Variants in LARGE1 observed in about 807,000 individuals in gnomAD.
LARGE1 encodes LARGE xylosyl- and glucuronyltransferase 1.
Under a neutral mutation model 87.6 loss-of-function variants are expected in LARGE1, and 43 were observed. The observed-to-expected ratio is 0.49, with a 90% CI of 0.38 to 0.63. The LOEUF (loss-of-function observed/expected upper bound fraction) is 0.63. LARGE1 is among the 30% of genes least tolerant of loss of function. The pLI is 0.00. For synonymous variants in LARGE1, 434 were observed against 394.6 expected (o/e 1.10, Z -1.18); for missense variants, 802 against 1,000.2 (o/e 0.80, Z 2.67).
intron 2 of LARGE1, among the ~76,000 whole-genome samples, chr22:33,673,152 G>A (rs973472647): frequency 2.6e-5 from 4 of 152,118 alleles, no homozygotes; most frequent in Admixed American, 1.3e-4. Flanking sequence ...GCGGGCGCCT[G>A]TAATCCCATC....
intron 3 of LARGE1, among the ~76,000 whole-genome samples, chr22:33,630,716 A>G (rs1454457130): frequency 6.6e-6 from 1 of 152,236 alleles, no homozygotes; most frequent in Non-Finnish European, 1.5e-5. Context: ...ATTATAGTAC[A>G]CTACTGTGTA....
In LARGE1 at chr22:33,304,416, G is replaced by A; in HGVS notation, c.1543C>T (p.Arg515Cys). 1.9e-6 allele frequency: 3 copies of A among 1,614,244 alleles called. No homozygotes were observed. Among genetic ancestry groups the A allele is most frequent in the Non-Finnish European group, 2.5e-6 (3 of 1,180,036 alleles). ...AGCACCTCAGAGCCCTGTGCGTAGC[G>A]GAGGAACTGCTGGGCCTCGGCGTCT... The part of the protein sequence containing the change: ...LSDAEAQQFL[R>C]YAQGSEVLMS... The change falls in exon 12 of 15, where the codon CGC (arginine) becomes TGC (cysteine). Residue 515 changes from arginine (R) to cysteine (C), a missense_variant. Around this residue, in one of 2 missense-constraint regions of LARGE1, gnomAD observed 625 missense variants for 841.9 expected, o/e 0.74. Transcript: ENST00000397394.
At chr22:33,787,414 CA>C (rs1311951561) in intron 1 of LARGE1, among the ~76,000 whole-genome samples, 1 of 152,160 alleles carries the variant, frequency 6.6e-6, no homozygotes. Flanking sequence ...TGTTCTGAAA[CA>C]GCTTTTAATT....
intron 1 of LARGE1, among the ~76,000 whole-genome samples, chr22:33,823,817 G>A (rs1447058940): frequency 6.6e-6 from 1 of 152,156 alleles, no homozygotes; most frequent in Non-Finnish European, 1.5e-5. Context: ...TGAGTCATCT[G>A]CAGTTCATTC....
chr22:33,755,883 T>A (rs1226661483), intron 2 of LARGE1, among the ~76,000 whole-genome samples: 1 of 152,116 alleles, frequency 6.6e-6, no homozygotes, highest in Non-Finnish European at 1.5e-5. Flanking sequence ...TAGAAAGACA[T>A]CAAACAAGCA....
At chr22:33,660,913 T>G (rs2081103452) in intron 2 of LARGE1, among the ~76,000 whole-genome samples, 3 of 152,228 alleles carry the variant, frequency 2.0e-5, no homozygotes, top group Non-Finnish European at 4.4e-5. Context: ...TATGAAATAT[T>G]CATAGCCCTT....
rs566978037 is a variant in LARGE1 at position 33,911,130 on chromosome 22, T to A, written c.-83+8865A>T. On this transcript the variant is annotated intron_variant, in intron 1 of 14. Coordinates refer to ENST00000397394, the MANE Select transcript of LARGE1 (RefSeq NM_133642.5). ...GCACAAAAGAAACACTGGAAGAACG[T>A]GCTTTGGGTGCAGATTGGATGGAAG... is the stretch of plus-strand genomic sequence containing the variant. Among the ~76,000 whole-genome samples, 4 of 152,256 alleles carry A rather than the reference T, an allele frequency of 2.6e-5. No individual in the cohort carries two copies. In the South Asian group the frequency reaches 8.3e-4, roughly 32 times the overall value.
chr22:33,201,276 C>G (rs189467717), intron 11 of LARGE1, among the ~76,000 whole-genome samples: 108 of 151,150 alleles, frequency 7.1e-4, no homozygotes, highest in African/African-American at 2.6e-3. Context: ...CCATTGCACT[C>G]CAGTCTGGGC....
intron 6 of LARGE1, among the ~76,000 whole-genome samples, chr22:33,545,954 C>T (rs1367919651): frequency 6.6e-6 from 1 of 152,180 alleles, no homozygotes; most frequent in Non-Finnish European, 1.5e-5. Flanking sequence ...TTAGTTCAGG[C>T]CATGATCATT....
intron 5 of LARGE1, among the ~76,000 whole-genome samples, chr22:33,587,250 T>C (rs887120270): frequency 6.6e-6 from 1 of 152,348 alleles, no homozygotes; most frequent in South Asian, 2.1e-4. Flanking sequence ...AATACCATGA[T>C]GAAAATCCTT....
intron 11 of LARGE1, among the ~76,000 whole-genome samples, chr22:33,314,231 A>G (rs979309915): frequency 6.6e-6 from 1 of 152,074 alleles, no homozygotes; most frequent in Non-Finnish European, 1.5e-5. Flanking sequence ...AGGATCCCCA[A>G]GTTCTCTGTG....
rs190528527 is a variant in LARGE1 at position 33,255,180 on chromosome 22, C to T, written c.1730+49049G>A. Among the ~76,000 whole-genome samples, 6 of 152,276 alleles carry T rather than the reference C, an allele frequency of 3.9e-5. No homozygotes were observed. The East Asian group carries it at 7.7e-4, about 20-fold the overall frequency. On this transcript the variant is annotated intron_variant, in intron 11 of 11. Coordinates refer to the LARGE1 transcript ENST00000608642. ...CTTGAGCTCCTGACCTCAAGTGATC[C>T]GCCTGCCTCGGCCTCCCAAAGCGCT...
intron 6 of LARGE1, chr22:33,436,663 G>A (rs961576517): frequency 6.5e-6 from 1 of 152,706 alleles, no homozygotes; most frequent in South Asian, 2.1e-4. Flanking sequence ...CACATCCATG[G>A]GGAAGAGAAA....
rs1049627928 is a variant in LARGE1 at position 33,622,550 on chromosome 22, A to C, written c.491+3694T>G. Among the ~76,000 whole-genome samples, 15 of 152,340 alleles carry C rather than the reference A, an allele frequency of 9.8e-5. No homozygotes were observed. In the East Asian group the frequency reaches 2.9e-3, roughly 29 times the overall value. On this transcript the variant is annotated intron_variant, in intron 4 of 14. Coordinates refer to ENST00000397394, the MANE Select transcript of LARGE1 (RefSeq NM_133642.5). ...TTATATAAACTGCATGCCTTTCATA[A>C]GTAGTTGCAGTTTTCCTGCCCAACC...
At chr22:33,771,839 T>C (rs1309129495) in intron 1 of LARGE1, among the ~76,000 whole-genome samples, 1 of 152,222 alleles carries the variant, frequency 6.6e-6, no homozygotes, top group Non-Finnish European at 1.5e-5. Flanking sequence ...CCACATATTA[T>C]GGGAGCCATT....
intron 2 of LARGE1, among the ~76,000 whole-genome samples, chr22:33,684,255 C>A (rs2081876092): frequency 6.6e-6 from 1 of 152,032 alleles, no homozygotes; most frequent in Non-Finnish European, 1.5e-5. Flanking sequence ...CCTTCTCTGA[C>A]CTTGCTCCCC....
intron 1 of LARGE1, among the ~76,000 whole-genome samples, chr22:33,784,855 TTATATTTGTACGTATTTATAC>T (rs1390190334): frequency 6.6e-6 from 1 of 151,404 alleles, no homozygotes; most frequent in Non-Finnish European, 1.5e-5. Flanking sequence ...CATAGACAGT[TTATATTTGTACGTATTTATAC>T]TATATTTGTA....
chr22:33,594,657 A>G (rs568933619), intron 5 of LARGE1, among the ~76,000 whole-genome samples: 12 of 152,274 alleles, frequency 7.9e-5, no homozygotes, highest in African/African-American at 2.9e-4. Context: ...CCCAGCCTGG[A>G]GTGCAATGGC....
chr22:33,353,087 T>G (rs1003411357), intron 9 of LARGE1, among the ~76,000 whole-genome samples: 2 of 152,236 alleles, frequency 1.3e-5, no homozygotes, highest in Non-Finnish European at 2.9e-5. Context: ...TTCAAGACTA[T>G]TTGAAATATG....
Sources: gnomAD v4.1 joint callset for allele counts (sites outside exome capture counted in the v4.1 genomes callset) on GRCh38, gnomAD v4.1.1 for gene constraint, gnomAD v4.1.1 regional missense constraint, MANE v1.5 for transcripts, NCBI Gene and HGNC (gene_info 2026-07-23, HGNC 2026-07-21) for gene names.